Variants in FBXL13 observed in about 807,000 individuals in gnomAD.
The protein encoded by FBXL13 is F-box and leucine rich repeat protein 13.
A neutral mutation model predicts 83.6 loss-of-function variants in FBXL13; 67 were observed. That is an observed-to-expected ratio of 0.80 (90% CI 0.66 to 0.98). The LOEUF is 0.98. Among genes scored for constraint, FBXL13 ranks in the 50% least tolerant of loss-of-function variants. The probability of loss-of-function intolerance (pLI) is 0.00; values close to 1 mark genes in which losing one functional copy is unlikely to be tolerated. For synonymous variants in FBXL13, 272 were observed against 299.5 expected (o/e 0.91, Z 0.95); for missense variants, 822 against 866.5 (o/e 0.95, Z 0.64).
chr7:102,922,511 T>C (rs1817251151), intron 10 of FBXL13, among the ~76,000 whole-genome samples: 1 of 152,206 alleles, frequency 6.6e-6, no homozygotes, highest in Admixed American at 6.5e-5. Context: ...TTTTATATTT[T>C]ACTATTTTGC....
intron 6 of FBXL13, among the ~76,000 whole-genome samples, chr7:103,011,285 A>G (rs1197057293): frequency 6.6e-6 from 1 of 152,170 alleles, no homozygotes. Context: ...CCAATCCAAG[A>G]AATCTAAGGA....
Position 103,003,129 on chromosome 7 carries a change from T to C in FBXL13, c.495+21934A>G, listed in dbSNP as rs527509590. On this transcript the variant is annotated intron_variant, in intron 6 of 19. Transcript: ENST00000313221. ...TTCTTTTCCTTTGCATATTTTCACA[T>C]TGCCTGTCTTTGAACTCACTGATTC... Among the ~76,000 whole-genome samples the C allele has an allele frequency of 1.1e-4, 17 of 152,144 alleles. No homozygotes were observed. In the South Asian group the frequency reaches 1.7e-3, roughly 15 times the overall value.
chr7:103,065,377 T>C (rs1053865068), intron 1 of FBXL13, among the ~76,000 whole-genome samples: 1 of 152,320 alleles, frequency 6.6e-6, no homozygotes, highest in East Asian at 1.9e-4. Flanking sequence ...TTCAAATGCA[T>C]AAATCTTATT....
At chr7:102,881,049 A>G (rs1028234500) in intron 14 of FBXL13, among the ~76,000 whole-genome samples, 2 of 152,240 alleles carry the variant, frequency 1.3e-5, no homozygotes, top group Non-Finnish European at 2.9e-5. Flanking sequence ...TTGTGAGCTC[A>G]GCAGTATATT....
intron 6 of FBXL13, among the ~76,000 whole-genome samples, chr7:102,985,864 A>G (rs1444985059): frequency 6.6e-6 from 1 of 152,138 alleles, no homozygotes; most frequent in Non-Finnish European, 1.5e-5. Context: ...CATTGCTATG[A>G]CCCAAGTCTT....
At chr7:102,840,928 A>G (rs1312050768) in intron 17 of FBXL13, among the ~76,000 whole-genome samples, 1 of 152,202 alleles carries the variant, frequency 6.6e-6, no homozygotes, top group African/African-American at 2.4e-5. Context: ...TGTGAACCAG[A>G]GAGATCCTGG....
At chr7:102,855,236 A>T (rs1005735311) in intron 16 of FBXL13, among the ~76,000 whole-genome samples, 3 of 152,196 alleles carry the variant, frequency 2.0e-5, no homozygotes, top group African/African-American at 7.2e-5. Context: ...CTATTTGTTA[A>T]TATATTTTTA....
chr7:102,925,617 A>G (rs754401118), intron 10 of FBXL13, among the ~76,000 whole-genome samples: 2 of 152,110 alleles, frequency 1.3e-5, no homozygotes, highest in South Asian at 2.1e-4. Context: ...AAAAGTGCTC[A>G]AAGTTGGTAA....
chr7:102,834,102 G>GGAAGGAAGGA (rs1554404981), intron 17 of FBXL13, among the ~76,000 whole-genome samples: 2 of 102,036 alleles, frequency 2.0e-5, no homozygotes, highest in Non-Finnish European at 1.9e-5. Flanking sequence ...AAGAAAGAAA[G>GGAAGGAAGGA]AAAGAAAGAA....
At chr7:102,962,370 T>A (rs1443478868) in intron 8 of FBXL13, among the ~76,000 whole-genome samples, 1 of 152,074 alleles carries the variant, frequency 6.6e-6, no homozygotes, top group South Asian at 2.1e-4. Context: ...TAGGAACACT[T>A]TTACACTGTC....
chr7:102,841,933 A>G (rs1213271699), intron 17 of FBXL13, among the ~76,000 whole-genome samples: 1 of 152,144 alleles, frequency 6.6e-6, no homozygotes, highest in African/African-American at 2.4e-5. Flanking sequence ...TCCACAAGCT[A>G]CCAGATATCC....
intron 8 of FBXL13, among the ~76,000 whole-genome samples, chr7:102,959,838 T>C (rs1166097852): frequency 1.3e-5 from 2 of 152,108 alleles, no homozygotes; most frequent in African/African-American, 4.8e-5. Flanking sequence ...AAATAAAGTA[T>C]GTTACATCTA....
Position 103,029,421 on chromosome 7 carries a change from A to G in FBXL13, c.1-3T>C, listed in dbSNP as rs1362047653. The stretch of plus-strand genomic sequence containing the variant: ...TTTATCATCAATTCCGGAGTCATCT[A>G]AAGTAAATAAATAATTGAAATAACA... On this transcript the variant is annotated splice_region_variant and splice_polypyrimidine_tract_variant and intron_variant, in intron 2 of 19. Coordinates refer to ENST00000313221, the Ensembl canonical transcript of FBXL13. 6.2e-6 allele frequency: 9 copies of G among 1,452,306 alleles called. No individual in the cohort carries two copies. The highest frequency in any genetic ancestry group is 1.8e-4 in the Middle Eastern group (1 of 5,528). 90.0% of individuals were successfully genotyped at this position (1,452,306 alleles called of 1,614,324 possible). A position where few individuals can be genotyped will look rare whatever the true frequency, so the allele number is the denominator to read the frequency against.
chr7:102,975,556 A>G (rs1460604371), intron 6 of FBXL13, among the ~76,000 whole-genome samples: 1 of 152,198 alleles, frequency 6.6e-6, no homozygotes, highest in Non-Finnish European at 1.5e-5. Context: ...AGGACTCAAA[A>G]AGGCTGCCCA....
At chr7:102,961,086 C>T (rs1343515948) in intron 8 of FBXL13, among the ~76,000 whole-genome samples, 9 of 148,700 alleles carry the variant, frequency 6.1e-5, no homozygotes, top group African/African-American at 2.2e-4. Context: ...CTAGAAAACC[C>T]CATTGTCTCA....
At chr7:103,032,143 G>T (rs771205280) in intron 2 of FBXL13, among the ~76,000 whole-genome samples, 3 of 152,096 alleles carry the variant, frequency 2.0e-5, no homozygotes, top group Non-Finnish European at 4.4e-5. Flanking sequence ...TTTTTGAAAA[G>T]ATATTATATG....
intron 10 of FBXL13, among the ~76,000 whole-genome samples, chr7:102,919,900 C>T (rs1170424838): frequency 6.6e-6 from 1 of 152,076 alleles, no homozygotes; most frequent in Non-Finnish European, 1.5e-5. Flanking sequence ...GAAAAAAAGA[C>T]CATCAATGAA....
At chr7:102,932,769 C>T (rs1819469117) in intron 8 of FBXL13, among the ~76,000 whole-genome samples, 2 of 151,836 alleles carry the variant, frequency 1.3e-5, no homozygotes, top group Admixed American at 6.6e-5. Context: ...CCACCATGCC[C>T]GGCTAATTTT....
intron 2 of FBXL13, among the ~76,000 whole-genome samples, chr7:103,034,458 C>T (rs1794863496): frequency 6.6e-6 from 1 of 152,230 alleles, no homozygotes; most frequent in South Asian, 2.1e-4. Flanking sequence ...CTAAGCCCCT[C>T]ACTGCCCGGG....
Sources: gnomAD v4.1 joint callset for allele counts (sites outside exome capture counted in the v4.1 genomes callset) on GRCh38, gnomAD v4.1.1 for gene constraint, MANE v1.5 for transcripts, NCBI Gene and HGNC (gene_info 2026-07-23, HGNC 2026-07-21) for gene names.